The following LEKR1 variants were observed in gnomAD, a reference collection of about 807,000 sequenced individuals.
LEKR1 encodes the protein protein LEKR1.
LEKR1 carries 59 observed loss-of-function variants against 72.4 expected under a neutral mutation model. The ratio of observed to expected loss-of-function variants is 0.82; its 90% CI spans 0.66 to 1.01. LEKR1 has a LOEUF of 1.01. Among genes scored for constraint, LEKR1 ranks in the 50% least tolerant of loss-of-function variants. The pLI, the probability that LEKR1 is intolerant of heterozygous loss-of-function variation, is 0.00. For synonymous variants in LEKR1, 257 were observed against 263.2 expected, an observed-to-expected ratio of 0.98 and a Z score of 0.23; for missense variants, 728 against 759.2, an observed-to-expected ratio of 0.96 and a Z score of 0.48.
Position 156,915,178 on chromosome 3 carries a change from G to A in LEKR1, c.264-5397G>A, listed in dbSNP as rs138161736. Among the ~76,000 whole-genome samples the A allele has an allele frequency of 6.3e-3, 959 of 152,030 alleles. 11 individuals are homozygous for A. The highest frequency in any genetic ancestry group is 0.022 in the African/African-American group (919 of 41,506). On this transcript the variant is annotated intron_variant, in intron 3 of 12. Transcript: ENST00000356539. Reference sequence around the variant, plus strand: ...GTTAATGGGCATTTAGGTTGATTTTGTGTCTTTGATATTGTGAATAGTGCT... The same window carrying A: ...GTTAATGGGCATTTAGGTTGATTTTATGTCTTTGATATTGTGAATAGTGCT...
chr3:156,888,554 G>A lies in LEKR1; in HGVS notation c.264-32021G>A, dbSNP rs898279433. ...CACATAAAAAGACTGAAAGGGCCTGGTTAGATTTGGGAGCTGCTTATATGA... is the reference window on the plus strand; with the variant it reads ...CACATAAAAAGACTGAAAGGGCCTGATTAGATTTGGGAGCTGCTTATATGA... On this transcript the variant is annotated intron_variant, in intron 3 of 12. Coordinates refer to ENST00000356539, the MANE Select transcript of LEKR1 (RefSeq NM_001004316.3). 3 of 551,136 alleles carry A rather than the reference G, an allele frequency of 5.4e-6. No individual in the cohort carries two copies. In the African/African-American group the frequency reaches 5.6e-5, roughly 10 times the overall value. 34.1% of individuals were successfully genotyped at this position (551,136 alleles called of 1,614,324 possible).
chr3:157,016,655 G>T lies in LEKR1; in HGVS notation c.1203+5149G>T, dbSNP rs147251055. Among the ~76,000 whole-genome samples, 606 of 152,232 alleles carry T rather than the reference G, an allele frequency of 4.0e-3. 2 individuals are homozygous for T. The highest frequency in any genetic ancestry group is 0.013 in the African/African-American group (544 of 41,562). On this transcript the variant is annotated intron_variant, in intron 10 of 12. Transcript: ENST00000356539. ...CTACACAGAGGAATGTAGAAAACCA[G>T]AAATAGTAACACTGTGGGTAAAGAT...
At chr3:157,027,784 T>A (rs1197057272) in intron 11 of LEKR1, among the ~76,000 whole-genome samples, 1 of 152,110 alleles carries the variant, frequency 6.6e-6, no homozygotes, top group South Asian at 2.1e-4. Context: ...ACTGCACCAC[T>A]GTGCTCCAGC....
intron 3 of LEKR1, among the ~76,000 whole-genome samples, chr3:156,917,406 T>A (rs1307139081): frequency 6.6e-6 from 1 of 151,796 alleles, no homozygotes; most frequent in African/African-American, 2.4e-5. Flanking sequence ...GCACAGAGAA[T>A]GACAAAAGAT....
chr3:156,881,385 G>A (rs955755182), intron 3 of LEKR1, among the ~76,000 whole-genome samples: 1 of 152,010 alleles, frequency 6.6e-6, no homozygotes, highest in African/African-American at 2.4e-5. Flanking sequence ...AATCATGAGT[G>A]AACTCCCATT....
chr3:156,907,296 G>A (rs371947891), intron 3 of LEKR1, among the ~76,000 whole-genome samples: 6 of 151,884 alleles, frequency 4.0e-5, no homozygotes, highest in African/African-American at 7.3e-5. Context: ...TAGAACTATC[G>A]TGAATATATA....
At chr3:156,953,715 T>A (rs972273121) in intron 6 of LEKR1, among the ~76,000 whole-genome samples, 1 of 152,056 alleles carries the variant, frequency 6.6e-6, no homozygotes, top group African/African-American at 2.4e-5. Context: ...TTTTTATGGC[T>A]GCATAGTATT....
At chr3:156,884,761 G>A (rs1304119575) in intron 3 of LEKR1, among the ~76,000 whole-genome samples, 2 of 152,110 alleles carry the variant, frequency 1.3e-5, no homozygotes. Flanking sequence ...GTGCCTAGGC[G>A]ATGATCTTTT....
At chr3:157,004,692 A>C (rs1331338199) in intron 9 of LEKR1, among the ~76,000 whole-genome samples, 1 of 152,142 alleles carries the variant, frequency 6.6e-6, no homozygotes, top group Non-Finnish European at 1.5e-5. Flanking sequence ...ACAGTCCCCT[A>C]AATATTTGTA....
rs140756109 is a variant in LEKR1 at position 157,011,340 on chromosome 3, G to A, written c.1110-73G>A. On this transcript the variant is annotated intron_variant, in intron 9 of 12. Coordinates refer to ENST00000356539, the MANE Select transcript of LEKR1 (RefSeq NM_001004316.3). ...ACTAAGTTTTGAAGTAATATCTCCCGACCCAGGAACTACAACTTAGGAATT... is the reference window on the plus strand; with the variant it reads ...ACTAAGTTTTGAAGTAATATCTCCCAACCCAGGAACTACAACTTAGGAATT... The A allele has an allele frequency of 1.1e-3, 1,088 of 1,000,956 alleles. 6 individuals are homozygous for A. The African/African-American group carries it at 0.015, about 14-fold the overall frequency. The allele number at this position is 1,000,956 out of a possible 1,614,324, so 62.0% of individuals were successfully genotyped here. A position where few individuals can be genotyped will look rare whatever the true frequency, so the allele number is the denominator to read the frequency against.
At position 156,849,452 on chromosome 3, in the gene LEKR1, C is replaced by A. The variant is rs1195036195; in HGVS notation, c.49-3316C>A. 1.4e-4 allele frequency among the ~76,000 whole-genome samples: 22 copies of A among 152,288 alleles called. No individual in the cohort carries two copies. The East Asian group carries it at 3.9e-3, about 27-fold the overall frequency. On this transcript the variant is annotated intron_variant, in intron 2 of 12. Coordinates refer to ENST00000356539, the MANE Select transcript of LEKR1 (RefSeq NM_001004316.3). Reference sequence around the variant, plus strand: ...CAAAAAAGAGCCCACATTGCCAAGTCAACCCTAAGCCAAAAGAACAAAGCT... The same window carrying A: ...CAAAAAAGAGCCCACATTGCCAAGTAAACCCTAAGCCAAAAGAACAAAGCT...
intron 3 of LEKR1, among the ~76,000 whole-genome samples, chr3:156,914,859 G>T (rs1330309987): frequency 2.0e-5 from 3 of 151,936 alleles, no homozygotes; most frequent in African/African-American, 7.3e-5. Flanking sequence ...TGTGTATGGG[G>T]GTTTGTTGTA....
chr3:156,921,297 A>C (rs1345328711), intron 4 of LEKR1, among the ~76,000 whole-genome samples: 3 of 152,146 alleles, frequency 2.0e-5, no homozygotes, highest in Non-Finnish European at 2.9e-5. Context: ...GGAAGGCAAT[A>C]AGTTAATTCA....
intron 3 of LEKR1, among the ~76,000 whole-genome samples, chr3:156,909,042 T>C (rs62275763): frequency 0.032 from 4,838 of 152,248 alleles, 117 homozygotes; most frequent in Non-Finnish European, 0.047. Flanking sequence ...ATAAGTCTCA[T>C]GAGAGCTGAT....
intron 6 of LEKR1, among the ~76,000 whole-genome samples, chr3:156,968,743 A>T (rs1296525196): frequency 6.6e-6 from 1 of 152,190 alleles, no homozygotes; most frequent in Non-Finnish European, 1.5e-5. Context: ...GATATCCAGG[A>T]ATTGAACTCA....
At chr3:156,848,857 A>G (rs977999593) in intron 2 of LEKR1, among the ~76,000 whole-genome samples, 55 of 152,344 alleles carry the variant, frequency 3.6e-4, no homozygotes, top group African/African-American at 1.3e-3. Context: ...ACCAAAGGCA[A>G]TAACTATGTC....
At chr3:156,895,206 A>G (rs1387608839) in intron 3 of LEKR1, among the ~76,000 whole-genome samples, 1 of 152,224 alleles carries the variant, frequency 6.6e-6, no homozygotes, top group Non-Finnish European at 1.5e-5. Flanking sequence ...AAACAACCCC[A>G]TTAAAAAGTA....
chr3:156,931,281 A>G (rs1285006550), intron 5 of LEKR1, among the ~76,000 whole-genome samples: 2 of 152,282 alleles, frequency 1.3e-5, no homozygotes, highest in African/African-American at 2.4e-5. Flanking sequence ...GCCAATAAAG[A>G]CACAAGAATG....
chr3:156,955,775 T>G (rs1727568752), intron 6 of LEKR1, among the ~76,000 whole-genome samples: 1 of 152,052 alleles, frequency 6.6e-6, no homozygotes, highest in Non-Finnish European at 1.5e-5. Context: ...TTTGCATTGA[T>G]GTTCATCAGG....
Sources: allele counts gnomAD v4.1 joint callset (sites outside exome capture counted in the v4.1 genomes callset), GRCh38; gene constraint gnomAD v4.1.1; transcripts MANE v1.5; gene names NCBI Gene and HGNC (gene_info 2026-07-23, HGNC 2026-07-21).